The following NAV1 variants were observed in gnomAD, a reference collection of about 807,000 sequenced individuals.
NAV1 encodes pore membrane and/or filament interacting like protein 3.
Under a neutral mutation model 175.2 loss-of-function variants are expected in NAV1, and 18 were observed. That is an observed-to-expected ratio of 0.10 (90% CI 0.07 to 0.15). NAV1 has a LOEUF of 0.15. NAV1 is among the 10% of genes least tolerant of loss of function. The pLI is 1.00. For synonymous variants in NAV1, 897 were observed against 978.7 expected (o/e 0.92, Z 1.56); for missense variants, 1,731 against 2,436.6 (o/e 0.71, Z 6.10).
chr1:201,752,883 C>T (rs1674215735), intron 3 of NAV1, among the ~76,000 whole-genome samples: 1 of 152,082 alleles, frequency 6.6e-6, no homozygotes, highest in Admixed American at 6.6e-5. Flanking sequence ...GCAAATTTTT[C>T]CCCCATGAAG....
intron 1 of NAV1, among the ~76,000 whole-genome samples, chr1:201,692,889 A>G (rs1411257195): frequency 6.6e-6 from 1 of 152,246 alleles, no homozygotes; most frequent in Non-Finnish European, 1.5e-5. Context: ...GAGTTGAGAC[A>G]ATAAGCCAAT....
chr1:201,635,129 C>T (rs1395685113), intron 2 of NAV1, among the ~76,000 whole-genome samples: 1 of 152,176 alleles, frequency 6.6e-6, no homozygotes, highest in African/African-American at 2.4e-5. Context: ...AGCTCCGCCT[C>T]CTGGGTTGAT....
chr1:201,688,761 C>T (rs1323257073), intron 1 of NAV1, among the ~76,000 whole-genome samples: 1 of 152,234 alleles, frequency 6.6e-6, no homozygotes, highest in Non-Finnish European at 1.5e-5. Context: ...GATTCATTAG[C>T]GTCTCTGGCT....
At chr1:201,823,634 T>G (rs1679514256) in exon 30 of NAV1, 2 of 152,216 alleles carry the variant, frequency 1.3e-5, no homozygotes, top group Non-Finnish European at 2.9e-5. Flanking sequence ...GTTCATTGGT[T>G]GGTATACTGT....
chr1:201,781,676 A>C (rs959440381), intron 5 of NAV1, among the ~76,000 whole-genome samples: 3 of 152,122 alleles, frequency 2.0e-5, no homozygotes, highest in African/African-American at 7.2e-5. Context: ...TTTTCATAGG[A>C]TACAGCTTGA....
chr1:201,765,394 T>C (rs920990316), intron 3 of NAV1, among the ~76,000 whole-genome samples: 1 of 149,438 alleles, frequency 6.7e-6, no homozygotes, highest in East Asian at 2.0e-4. Context: ...TTTTTTTTTT[T>C]TTTTTTTTTC....
chr1:201,789,844 A>C (rs548663213), intron 11 of NAV1, 52 bp downstream of exon 15: 75 of 1,540,810 alleles, frequency 4.9e-5, no homozygotes, highest in Admixed American at 8.3e-5. Flanking sequence ...CTACCATCCC[A>C]TGCTCCCTAG....
At chr1:201,804,138 G>T (rs1678127260) in intron 16 of NAV1, 1 of 458,554 alleles carries the variant, frequency 2.2e-6, no homozygotes. Context: ...GGGATGTTTT[G>T]TGGAGCTTTC....
Position 201,781,392 on chromosome 1 carries a change from G to A in NAV1, c.1663+83G>A, listed in dbSNP as rs946271630. 8.9e-6 allele frequency: 12 copies of A among 1,347,264 alleles called. No homozygotes were observed. In the African/African-American group the frequency reaches 1.5e-4, roughly 17 times the overall value. The allele number at this position is 1,347,264 out of a possible 1,614,324, so 83.5% of individuals were successfully genotyped here. The stretch of plus-strand genomic sequence containing the variant: ...CTTCTTAGTGGTCATTAACCCATAG[G>A]ATGATAGCAAACATTTGCATAGTGC... On this transcript the variant is annotated intron_variant, in intron 5 of 29. Coordinates refer to ENST00000367296, the Ensembl canonical transcript of NAV1.
At chr1:201,811,168 A>T (rs1348679519) in intron 24 of NAV1, among the ~76,000 whole-genome samples, 1 of 152,052 alleles carries the variant, frequency 6.6e-6, no homozygotes, top group East Asian at 1.9e-4. Context: ...TCTTTTCAGT[A>T]TTACTCTCTG....
chr1:201,765,381 CTTTTT>C (rs59583786), intron 3 of NAV1, among the ~76,000 whole-genome samples: 4 of 98,616 alleles, frequency 4.1e-5, no homozygotes, highest in African/African-American at 1.2e-4. Context: ...AGGAAATATT[CTTTTT>C]TTTTTTTTTT....
chr1:201,769,009 T>G (rs1675392009), intron 3 of NAV1, among the ~76,000 whole-genome samples: 1 of 152,224 alleles, frequency 6.6e-6, no homozygotes, highest in South Asian at 2.1e-4. Context: ...CCAATAAGGT[T>G]AGCCTCTTCA....
rs187336777 is a variant in NAV1, at chr1:201,541,177, T to G, written c.-144+1835T>G. On this transcript the variant is annotated intron_variant, in intron 1 of 33. Coordinates refer to the NAV1 transcript ENST00000685211. ...GTGTTTGTGCACATGCCTATCTTCC[T>G]GTGAGTACCTTCCAGCCAAACACCC... Among the ~76,000 whole-genome samples, 312 of 152,344 alleles carry G rather than the reference T, an allele frequency of 2.0e-3. 1 individual carries two copies. The highest frequency in any genetic ancestry group is 1.1e-3 in the Non-Finnish European group (76 of 68,020).
chr1:201,736,522 T>C (rs4950838), intron 3 of NAV1, among the ~76,000 whole-genome samples: 21,921 of 152,072 alleles, frequency 0.14, 1,993 homozygotes, highest in East Asian at 0.36. Flanking sequence ...CAAAAGAACC[T>C]TGGGCCTCAG....
At chr1:201,642,557 T>TTTTCTTTCTTTC (rs1467631961) in intron 2 of NAV1, among the ~76,000 whole-genome samples, 1 of 106,014 alleles carries the variant, frequency 9.4e-6, no homozygotes, top group African/African-American at 4.3e-5. Flanking sequence ...TTCTTTCTTT[T>TTTTCTTTCTTTC]TTCCCTTTCT....
At chr1:201,642,436 A>C (rs1170291074) in intron 2 of NAV1, among the ~76,000 whole-genome samples, 1 of 151,972 alleles carries the variant, frequency 6.6e-6, no homozygotes, top group Non-Finnish European at 1.5e-5. Context: ...CGTGTTAGCC[A>C]GAATGGTCTC....
chr1:201,545,054 G>A (rs1214341343), intron 1 of NAV1, among the ~76,000 whole-genome samples: 1 of 152,196 alleles, frequency 6.6e-6, no homozygotes, highest in Non-Finnish European at 1.5e-5. Flanking sequence ...CACTCTGTGT[G>A]ACCTTGGGCA....
upstream of NAV1, among the ~76,000 whole-genome samples, chr1:201,648,043 G>A (rs567894185): frequency 8.3e-6 from 1 of 121,188 alleles, no homozygotes; most frequent in Admixed American, 9.9e-5. Flanking sequence ...AGCTCCGCTC[G>A]CAGATACCTC....
Position 201,667,971 on chromosome 1 carries a change from C to T in NAV1, c.757+18546C>T, listed in dbSNP as rs117062384. On this transcript the variant is annotated intron_variant, in intron 1 of 29. Transcript: ENST00000367296. ...GGGCCAGTCTCACTGGCCAGAGTCC[C>T]ATCACAGGCCATGGCCATAGGCCCC... Among the ~76,000 whole-genome samples, 605 of 152,286 alleles carry T rather than the reference C, an allele frequency of 4.0e-3. 40 individuals are homozygous for T. In the East Asian group the frequency reaches 0.1, roughly 26 times the overall value.
Sources: gnomAD v4.1 joint callset for allele counts (sites outside exome capture counted in the v4.1 genomes callset) on GRCh38, gnomAD v4.1.1 for gene constraint, MANE v1.5 for transcripts, NCBI Gene and HGNC (gene_info 2026-07-23, HGNC 2026-07-21) for gene names.